PLEKHA7: variants seen among roughly 807,000 people sequenced by gnomAD.
PLEKHA7 encodes pleckstrin homology domain containing A7, also known as pleckstrin homology domain-containing family A member 7.
Under a neutral mutation model 170.0 loss-of-function variants are expected in PLEKHA7, and 104 were observed. The ratio of observed to expected loss-of-function variants is 0.61; its 90% confidence interval spans 0.52 to 0.72. The LOEUF (loss-of-function observed/expected upper bound fraction) is 0.72, where lower values mean the gene tolerates loss of function less well. Ranked by LOEUF, PLEKHA7 falls within the 30% of genes least tolerant of loss-of-function variation. The pLI is 0.00. For synonymous variants in PLEKHA7, 648 were observed against 660.8 expected, an observed-to-expected ratio of 0.98 and a Z score of 0.30; for missense variants, 1,615 against 1,671.7, an observed-to-expected ratio of 0.97 and a Z score of 0.59.
At chr11:16,871,907 C>A (rs1854884427) in intron 3 of PLEKHA7, among the ~76,000 whole-genome samples, 1 of 151,842 alleles carries the variant, frequency 6.6e-6, no homozygotes, top group South Asian at 2.1e-4. Flanking sequence ...ACTAAACTAA[C>A]CCTCCTCTTT....
rs947560442 is a variant in PLEKHA7, at chr11:16,787,010, T to G, written c.3358-623A>C. Reference sequence around the variant, plus strand: ...TTTTCTTTAAATTAGAAAAAAAAACTAAATCATATAAAATTGAAATGCTAA... The same window carrying G: ...TTTTCTTTAAATTAGAAAAAAAAACGAAATCATATAAAATTGAAATGCTAA... On this transcript the variant is annotated intron_variant, in intron 23 of 26. Coordinates refer to ENST00000531066, the MANE Select transcript of PLEKHA7 (RefSeq NM_001329630.2). 3.0e-6 allele frequency: 3 copies of G among 983,924 alleles called. No homozygotes were observed. The Admixed American group carries it at 1.8e-4, about 61-fold the overall frequency. The allele number at this position is 983,924 out of a possible 1,614,324, so 60.9% of individuals were successfully genotyped here.
intron 3 of PLEKHA7, among the ~76,000 whole-genome samples, chr11:16,908,267 A>AG (rs1857991318): frequency 6.9e-6 from 1 of 145,340 alleles, no homozygotes; most frequent in South Asian, 2.2e-4. Context: ...AAAAAAAAAA[A>AG]AAAGAAAATT....
chr11:16,875,109 T>A (rs1471268338), intron 3 of PLEKHA7, among the ~76,000 whole-genome samples: 1 of 152,210 alleles, frequency 6.6e-6, no homozygotes, highest in Admixed American at 6.5e-5. Flanking sequence ...TTCTTCAAAC[T>A]TTTTTCCCTA....
chr11:16,985,063 C>G (rs145444504), intron 3 of PLEKHA7, among the ~76,000 whole-genome samples: 11 of 152,292 alleles, frequency 7.2e-5, no homozygotes, highest in Non-Finnish European at 1.6e-4. Context: ...TGGGTGCCAG[C>G]GGGCTGGGCA....
At chr11:16,800,618 G>A (rs1291965153) in intron 17 of PLEKHA7, among the ~76,000 whole-genome samples, 1 of 152,250 alleles carries the variant, frequency 6.6e-6, no homozygotes, top group African/African-American at 2.4e-5. Context: ...CTGTCTAAGT[G>A]ATGAGCTAGC....
intron 3 of PLEKHA7, among the ~76,000 whole-genome samples, chr11:16,982,716 C>A (rs1863504814): frequency 6.6e-6 from 1 of 151,686 alleles, no homozygotes; most frequent in Non-Finnish European, 1.5e-5. Flanking sequence ...CACAGGTGGC[C>A]CTCCATGCTT....
Position 16,801,822 on chromosome 11 carries a change from A to G in PLEKHA7, c.2158-5T>C. The G allele has an allele frequency of 6.2e-7, 1 of 1,613,988 alleles. No individual in the cohort carries two copies. On this transcript the variant is annotated splice_polypyrimidine_tract_variant and splice_region_variant and intron_variant, in intron 15 of 26. Transcript: ENST00000531066. The stretch of plus-strand genomic sequence containing the variant: ...CAGCACAGATTCTAGCTGGTCCTGC[A>G]CCACGAAGGGCCAAAAAACAGCAGG...
chr11:17,014,007 CCCT>C lies in PLEKHA7; in HGVS notation c.200_202del (p.Glu67del). ...CACTCACTCGATGAAGTAGCTGGCGCCCTCCTCCGTGAAGCCCTCCTCCCAGCC... is the reference window on the plus strand; with the variant it reads ...CACTCACTCGATGAAGTAGCTGGCGCCCTCCGTGAAGCCCTCCTCCCAGCC... On this transcript the variant is annotated inframe_deletion, in exon 3 of 27. Transcript: ENST00000531066. The C allele has an allele frequency of 6.5e-7, 1 of 1,547,026 alleles. No individual in the cohort carries two copies. Among genetic ancestry groups the C allele is most frequent in the Non-Finnish European group, 8.7e-7 (1 of 1,146,114 alleles).
At position 16,791,464 on chromosome 11, in the gene PLEKHA7, C is replaced by G; in HGVS notation, c.2746-265G>C. On this transcript the variant is annotated intron_variant, in intron 19 of 26. Transcript: ENST00000531066. The surrounding 1 kb of genome is among the most constrained non-coding windows in gnomAD (Gnocchi z 4.5). ...TAACTGTGTCCTGAAACCCAGGACT[C>G]AGGTCTCCTGGGTCCATGCCCTCGG... 1.6e-6 allele frequency: 1 copy of G among 613,220 alleles called. No individual in the cohort carries two copies. Among genetic ancestry groups the G allele is most frequent in the Non-Finnish European group, 3.0e-6 (1 of 332,808 alleles). The allele number at this position is 613,220 out of a possible 1,614,324, so 38.0% of individuals were successfully genotyped here. A position where few individuals can be genotyped will look rare whatever the true frequency, so the allele number is the denominator to read the frequency against.
intron 23 of PLEKHA7, chr11:16,786,827 T>C: frequency 1.0e-6 from 1 of 985,288 alleles, no homozygotes; most frequent in Non-Finnish European, 1.2e-6. Flanking sequence ...GCAAGAAGAA[T>C]AACCAAGGAT....
intron 21 of PLEKHA7, chr11:16,790,227 A>T (rs986021758): frequency 6.8e-6 from 2 of 293,752 alleles, no homozygotes; most frequent in Admixed American, 4.7e-5. Flanking sequence ...GCACAACCCA[A>T]CTTGGGGTGA....
At chr11:16,785,448 C>T (rs1043976925) in intron 24 of PLEKHA7, among the ~76,000 whole-genome samples, 2 of 152,156 alleles carry the variant, frequency 1.3e-5, no homozygotes, top group African/African-American at 4.8e-5. Flanking sequence ...TACCACGTAC[C>T]CACTGTGTGC....
chr11:16,860,502 C>T (rs11024061), intron 4 of PLEKHA7, among the ~76,000 whole-genome samples: 25,060 of 151,970 alleles, frequency 0.16, 2,573 homozygotes, highest in Non-Finnish European at 0.24. Context: ...GACAGGTACA[C>T]AAAGTCAAGC....
chr11:16,852,128 C>G (rs1346338252), intron 7 of PLEKHA7, among the ~76,000 whole-genome samples, 155 bp downstream of exon 7: 1 of 152,204 alleles, frequency 6.6e-6, no homozygotes, highest in African/African-American at 2.4e-5. Context: ...GACTCTGAAT[C>G]CTGAGACCCT....
chr11:16,909,322 C>G (rs1047199867), intron 3 of PLEKHA7, among the ~76,000 whole-genome samples: 1 of 152,170 alleles, frequency 6.6e-6, no homozygotes, highest in Admixed American at 6.5e-5. Context: ...GAAACAGGAG[C>G]CTCTTAATGT....
At chr11:16,875,477 C>T (rs1855215739) in intron 3 of PLEKHA7, among the ~76,000 whole-genome samples, 1 of 149,798 alleles carries the variant, frequency 6.7e-6, no homozygotes, top group Admixed American at 6.7e-5. Context: ...GACAAGGTCT[C>T]ACTTTGTCAC....
At chr11:17,005,852 T>TA (rs1864958289) in intron 3 of PLEKHA7, among the ~76,000 whole-genome samples, 1 of 152,224 alleles carries the variant, frequency 6.6e-6, no homozygotes. Flanking sequence ...AACCAGTTTT[T>TA]ACCCTTGAAA....
intron 3 of PLEKHA7, among the ~76,000 whole-genome samples, chr11:16,960,921 C>T (rs1862021245): frequency 1.3e-5 from 2 of 152,014 alleles, no homozygotes; most frequent in African/African-American, 4.8e-5. Flanking sequence ...ACTCCTTGAA[C>T]CCAAGCTCAT....
intron 13 of PLEKHA7, among the ~76,000 whole-genome samples, chr11:16,811,347 A>G (rs892726518): frequency 1.3e-5 from 2 of 152,194 alleles, no homozygotes; most frequent in African/African-American, 4.8e-5. Context: ...CCATAGGCCC[A>G]GGTGCACTAT....
Sources: allele counts gnomAD v4.1 joint callset (sites outside exome capture counted in the v4.1 genomes callset), GRCh38; gene constraint gnomAD v4.1.1; non-coding constraint Gnocchi (gnomAD v3.1); transcripts MANE v1.5; gene names NCBI Gene and HGNC (gene_info 2026-07-23, HGNC 2026-07-21).